The following DNAH2 variants were observed in gnomAD, a reference collection of about 807,000 sequenced individuals.
DNAH2 encodes the protein dynein axonemal heavy chain 2, also known as axonemal beta dynein heavy chain 2.
Under a neutral mutation model 523.5 loss-of-function variants are expected in DNAH2, and 323 were observed. That is an observed-to-expected ratio of 0.62 (90% CI 0.56 to 0.68). The LOEUF (loss-of-function observed/expected upper bound fraction) is 0.68, where lower values mean the gene tolerates loss of function less well. DNAH2 is among the 30% of genes least tolerant of loss of function. The pLI, the probability that DNAH2 is intolerant of heterozygous loss-of-function variation, is 0.00. For missense variants in DNAH2, 4,907 were observed against 5,701.5 expected (o/e 0.86, Z 4.49); for synonymous variants, 2,093 against 2,177.4 (o/e 0.96, Z 1.08).
At chr17:7,799,665 A>T (rs1171654023) in intron 56 of DNAH2, among the ~76,000 whole-genome samples, 2 of 152,128 alleles carry the variant, frequency 1.3e-5, no homozygotes, top group Non-Finnish European at 1.5e-5. Flanking sequence ...AAATACAAAA[A>T]ATTAGCCAGG....
In DNAH2 at chr17:7,742,933, T is replaced by C; in HGVS notation, c.1695T>C (p.Leu565=). ...RRRIDRVMTC[L]AGAHFLPRIG... ...CCTGTTCTTCTTCCCCTCAGTGCCT[T>C]GCTGGTGCTCATTTCCTGCCCCGTA... Residue 565 remains leucine (L), a synonymous_variant, in exon 12 of 86, where the codon CTT becomes CTC. Coordinates refer to ENST00000572933, the MANE Select transcript of DNAH2 (RefSeq NM_020877.5). 2 of 1,466,134 alleles carry C rather than the reference T, an allele frequency of 1.4e-6. No individual in the cohort carries two copies. The highest frequency in any genetic ancestry group is 1.6e-5 in the South Asian group (1 of 62,298). The allele number at this position is 1,466,134 out of a possible 1,614,324, so 90.8% of individuals were successfully genotyped here.
At chr17:7,741,258 C>CTT (rs1218263438) in intron 11 of DNAH2, among the ~76,000 whole-genome samples, 1 of 41,070 alleles carries the variant, frequency 2.4e-5, no homozygotes, top group African/African-American at 1.4e-4. Context: ...TTCTTTCTTT[C>CTT]TTTCTTTCTT....
At chr17:7,737,331 T>C in intron 8 of DNAH2, 73 bp downstream of exon 8, 1 of 1,483,862 alleles carries the variant, frequency 6.7e-7, no homozygotes, top group Middle Eastern at 2.3e-4. Flanking sequence ...GGGGAATGCA[T>C]TCGGCAGAGG....
In DNAH2 at chr17:7,718,231, T is replaced by A. The variant is rs2074481884; in HGVS notation, c.-583T>A. On this transcript the variant is annotated 5_prime_UTR_variant, in exon 1 of 86. Coordinates refer to ENST00000572933, the MANE Select transcript of DNAH2 (RefSeq NM_020877.5). ...TGGTGAACCCCACGGTGCATGCGCC[T>A]CAGGCTCTAGTTTGAGGCAGGAAAG... The A allele has an allele frequency of 6.6e-6, 1 of 152,204 alleles. No homozygotes were observed. The allele number at this position is 152,204 out of a possible 1,614,324, so 9.4% of individuals were successfully genotyped here.
At chr17:7,741,236 C>CTCTTTCTCTCTCTCTTTCTT in intron 11 of DNAH2, among the ~76,000 whole-genome samples, 2 of 85,596 alleles carry the variant, frequency 2.3e-5, no homozygotes, top group Non-Finnish European at 5.1e-5. Context: ...TTTTCTCTCT[C>CTCTTTCTCTCTCTCTTTCTT]TCTTTCTTTC....
In DNAH2 at chr17:7,759,619, C is replaced by A. The variant is rs749062226; in HGVS notation, c.2637+9C>A. On this transcript the variant is annotated intron_variant, in intron 16 of 85. Transcript: ENST00000572933. ...AAGGAAGTGTGGCACAGGTAAGAAC[C>A]ACTTTGCCCCCAACATCTCAAAACC... is the stretch of plus-strand genomic sequence containing the variant. The A allele has an allele frequency of 7.4e-6, 12 of 1,611,118 alleles. No individual in the cohort carries two copies. Among genetic ancestry groups the A allele is most frequent in the Admixed American group, 1.7e-5 (1 of 59,636 alleles).
Position 7,773,932 on chromosome 17 carries a change from G to A in DNAH2, c.4502-827G>A, listed in dbSNP as rs530999844. On this transcript the variant is annotated intron_variant, in intron 28 of 85. Coordinates refer to ENST00000572933, the MANE Select transcript of DNAH2 (RefSeq NM_020877.5). Reference sequence around the variant, plus strand: ...TTTAGTAGAGATGGGATTTTACCATGGTGGCCAGGCTGGTCTTGAACTCCT... The same window carrying A: ...TTTAGTAGAGATGGGATTTTACCATAGTGGCCAGGCTGGTCTTGAACTCCT... 9.9e-5 allele frequency among the ~76,000 whole-genome samples: 15 copies of A among 152,114 alleles called. No individual in the cohort carries two copies. In the East Asian group the frequency reaches 1.9e-3, roughly 20 times the overall value.
intron 22 of DNAH2, among the ~76,000 whole-genome samples, chr17:7,767,175 A>G (rs2076193675): frequency 6.9e-6 from 1 of 144,732 alleles, no homozygotes; most frequent in African/African-American, 2.6e-5. Flanking sequence ...AAATGGAACC[A>G]TTTGTATGAT....
intron 27 of DNAH2, 49 bp from the exon 28 acceptor site, chr17:7,771,281 G>A (rs2076306931): frequency 4.3e-6 from 7 of 1,611,552 alleles, no homozygotes; most frequent in Non-Finnish European, 5.1e-6. Context: ...AGCAGAGGGT[G>A]GAGAGTGTGT....
rs749484359 is a variant in DNAH2, at chr17:7,831,718, C to T, written c.12669C>T (p.Ser4223=). Residue 4223 remains serine (S), a synonymous_variant, in exon 82 of 86, where the codon AGC becomes AGT. Transcript: ENST00000572933. The surrounding 1 kb of genome is among the most constrained non-coding windows in gnomAD (Gnocchi z 4.2). ...GIQGLIVMST[S]LEEIFNCIFD... is the part of the protein sequence containing the mutation. ...AGGGTCTCATCGTCATGTCTACAAGCCTGGAAGAGATTTTCAATTGCATCT... is the reference window on the plus strand; with the variant it reads ...AGGGTCTCATCGTCATGTCTACAAGTCTGGAAGAGATTTTCAATTGCATCT... 6.2e-7 allele frequency: 1 copy of T among 1,614,140 alleles called. No homozygotes were observed. Among genetic ancestry groups the T allele is most frequent in the Non-Finnish European group, 8.5e-7 (1 of 1,180,032 alleles).
Position 7,755,019 on chromosome 17 carries a change from G to A in DNAH2, c.1905-2072G>A, listed in dbSNP as rs556055723. 123 of 375,080 alleles carry A rather than the reference G, an allele frequency of 3.3e-4. 1 individual carries two copies. In the East Asian group the frequency reaches 5.5e-3, roughly 17 times the overall value. 23.2% of individuals were successfully genotyped at this position (375,080 alleles called of 1,614,324 possible). On this transcript the variant is annotated intron_variant, in intron 12 of 85. Coordinates refer to ENST00000572933, the MANE Select transcript of DNAH2 (RefSeq NM_020877.5). ...CAGGAAGAAGGGTTAGCCTTGGGTG[G>A]GAGGAGGGACTGTCCTATCATAAAT... is the stretch of plus-strand genomic sequence containing the variant.
chr17:7,796,935 C>CAAA (rs370280901), intron 50 of DNAH2, among the ~76,000 whole-genome samples: 5,923 of 116,088 alleles, frequency 0.051, 221 homozygotes, highest in Admixed American at 0.059. Context: ...ATTAAAAATA[C>CAAA]AAAAAAAAAA....
intron 12 of DNAH2, among the ~76,000 whole-genome samples, chr17:7,755,993 T>C (rs908366590): frequency 6.6e-6 from 1 of 151,782 alleles, no homozygotes; most frequent in African/African-American, 2.4e-5. Context: ...TCCCAGCACT[T>C]TGGGTGCTGG....
At chr17:7,759,289 C>T in intron 15 of DNAH2, 133 bp from the exon 16 acceptor site, 1 of 1,429,400 alleles carries the variant, frequency 7.0e-7, no homozygotes, top group South Asian at 1.4e-5. Flanking sequence ...CCTCACACCT[C>T]TTCCTCCAGG....
intron 56 of DNAH2, among the ~76,000 whole-genome samples, chr17:7,801,276 C>A (rs4791835): frequency 6.6e-6 from 1 of 152,110 alleles, no homozygotes; most frequent in African/African-American, 2.4e-5. Flanking sequence ...CCCAACCATC[C>A]TAGTCAGCAT....
Position 7,798,980 on chromosome 17 carries a change from G to C in DNAH2, c.8560-123G>C. 7.3e-7 allele frequency: 1 copy of C among 1,372,550 alleles called. No individual in the cohort carries two copies. The highest frequency in any genetic ancestry group is 1.4e-5 in the South Asian group (1 of 73,042). 85.0% of individuals were successfully genotyped at this position (1,372,550 alleles called of 1,614,324 possible). On this transcript the variant is annotated intron_variant, in intron 55 of 85. Transcript: ENST00000572933. The surrounding 1 kb of genome is among the most constrained non-coding windows in gnomAD (Gnocchi z 5.5). ...GTGGGGGGTGCTGAAGTGGGAGGAT[G>C]GTTTGAGGCCAGGAGTTCAAGTCCA...
chr17:7,831,421 A>G lies in DNAH2; in HGVS notation c.12491A>G (p.Lys4164Arg). 2 of 1,614,180 alleles carry G rather than the reference A, an allele frequency of 1.2e-6. No individual in the cohort carries two copies. The highest frequency in any genetic ancestry group is 1.7e-6 in the Non-Finnish European group (2 of 1,180,030). The change falls in exon 81 of 86, where the codon AAG becomes AGG. Residue 4164 changes from lysine (K) to arginine (R), a missense_variant. Lys to Arg is a conservative substitution (Grantham distance 26, BLOSUM62 2). This residue lies in a region of DNAH2 where 1,851 missense variants were observed against 2,139.4 expected (regional missense o/e 0.87). Transcript: ENST00000572933. This position sits in a 1 kb window ranked among gnomAD's most constrained non-coding sequence, Gnocchi z 4.2. ...VLELAADVKQ[K>R]IPEMIDYEGT... ...GAGTTGGCCGCTGATGTGAAGCAGAAGATCCCTGAAATGATCGACTATGAG... is the reference window on the plus strand; with the variant it reads ...GAGTTGGCCGCTGATGTGAAGCAGAGGATCCCTGAAATGATCGACTATGAG...
In DNAH2 at chr17:7,823,429, C is replaced by G; in HGVS notation, c.11143-13C>G. On this transcript the variant is annotated splice_polypyrimidine_tract_variant and intron_variant, in intron 73 of 85. Transcript: ENST00000572933. ...CCAAGTCAATCCCTTTCTTCCTCCC[C>G]TTCTCCCACCAGGTCTTGGATCGGG... The G allele has an allele frequency of 4.3e-6, 7 of 1,612,684 alleles. No individual in the cohort carries two copies. The highest frequency in any genetic ancestry group is 5.9e-6 in the Non-Finnish European group (7 of 1,179,516).
At position 7,832,779 on chromosome 17, in the gene DNAH2, G is replaced by T; in HGVS notation, c.12903+24G>T. ...ACGTGAGCAATGTGCAAAGTGTGAG[G>T]GGGGGATGTATGCTGGGGCCATGTA... On this transcript the variant is annotated intron_variant, in intron 83 of 85. Coordinates refer to ENST00000572933, the MANE Select transcript of DNAH2 (RefSeq NM_020877.5). This position sits in a 1 kb window ranked among gnomAD's most constrained non-coding sequence, Gnocchi z 4.3. 1 of 1,614,110 alleles carries T rather than the reference G, an allele frequency of 6.2e-7. No individual in the cohort carries two copies. The highest frequency in any genetic ancestry group is 8.5e-7 in the Non-Finnish European group (1 of 1,180,012).
Sources: gnomAD v4.1 joint callset for allele counts (sites outside exome capture counted in the v4.1 genomes callset) on GRCh38, gnomAD v4.1.1 for gene constraint, gnomAD v4.1.1 regional missense constraint, Gnocchi (gnomAD v3.1) non-coding constraint, MANE v1.5 for transcripts, NCBI Gene and HGNC (gene_info 2026-07-23, HGNC 2026-07-21) for gene names.